Variants in ITGBL1 observed in about 807,000 individuals in gnomAD.
ITGBL1 encodes the protein integrin subunit beta like 1.
ITGBL1 carries 51 observed loss-of-function variants against 68.5 expected under a neutral mutation model. That is an observed-to-expected ratio of 0.74 (90% CI 0.59 to 0.94). The LOEUF (loss-of-function observed/expected upper bound fraction) is 0.94, where lower values mean the gene tolerates loss of function less well. Ranked by LOEUF, ITGBL1 falls within the 40% of genes least tolerant of loss-of-function variation. The pLI, the probability that ITGBL1 is intolerant of heterozygous loss-of-function variation, is 0.00. For missense variants in ITGBL1, 649 were observed against 647.4 expected, an observed-to-expected ratio of 1.00 and a Z score of -0.03; for synonymous variants, 209 against 227.3, an observed-to-expected ratio of 0.92 and a Z score of 0.72.
chr13:101,556,237 A>T (rs1310738138), intron 2 of ITGBL1, among the ~76,000 whole-genome samples: 1 of 152,210 alleles, frequency 6.6e-6, no homozygotes, highest in East Asian at 1.9e-4. Context: ...GTACCTCAGG[A>T]TGTGATCTTA....
chr13:101,477,643 A>G (rs1276077388), intron 2 of ITGBL1, among the ~76,000 whole-genome samples: 1 of 152,102 alleles, frequency 6.6e-6, no homozygotes, highest in Non-Finnish European at 1.5e-5. Context: ...GAGACATTAC[A>G]GCTGATACTA....
intron 7 of ITGBL1, among the ~76,000 whole-genome samples, chr13:101,603,692 A>T (rs59519772): frequency 0.29 from 12,660 of 43,620 alleles, 851 homozygotes; most frequent in East Asian, 0.5. Flanking sequence ...TCTCTTTTTT[A>T]AAAAAAATGT....
chr13:101,637,491 G>A (rs560741779), intron 7 of ITGBL1, among the ~76,000 whole-genome samples: 2 of 151,736 alleles, frequency 1.3e-5, no homozygotes, highest in African/African-American at 2.4e-5. Flanking sequence ...CTACAGGCAC[G>A]TGCCACCACA....
intron 2 of ITGBL1, among the ~76,000 whole-genome samples, chr13:101,482,061 A>G (rs1338551942): frequency 1.3e-5 from 2 of 152,028 alleles, no homozygotes; most frequent in African/African-American, 2.4e-5. Context: ...GAAGACATCA[A>G]CTCCCAAAGA....
At chr13:101,621,621 TA>T (rs1235999768) in intron 7 of ITGBL1, among the ~76,000 whole-genome samples, 1 of 152,142 alleles carries the variant, frequency 6.6e-6, no homozygotes, top group Non-Finnish European at 1.5e-5. Flanking sequence ...TTCCACCTTT[TA>T]AAATGCTCTT....
chr13:101,591,761 T>C (rs2050658883), intron 6 of ITGBL1, among the ~76,000 whole-genome samples: 2 of 152,208 alleles, frequency 1.3e-5, no homozygotes, highest in African/African-American at 4.8e-5. Flanking sequence ...CTATGTACTT[T>C]TAAAAAGTGT....
At position 101,671,426 on chromosome 13, in the gene ITGBL1, G is replaced by GTTTTTTTTTTTTTTTTTTTTTTTTTTT. The variant is rs66501713; in HGVS notation, c.1016-21149_1016-21148insTTTTTTTTTTTTTTTTTTTTTTTTTTT. 3.6e-5 allele frequency among the ~76,000 whole-genome samples: 4 copies of GTTTTTTTTTTTTTTTTTTTTTTTTTTT among 112,640 alleles called. 1 individual carries two copies. Among genetic ancestry groups the GTTTTTTTTTTTTTTTTTTTTTTTTTTT allele is most frequent in the Non-Finnish European group, 5.4e-5 (3 of 55,852 alleles). The allele number at this position is 112,640 out of a possible 152,430, so 73.9% of individuals were successfully genotyped here. ...AGCTATTTGACAAAAGTATACCTTT[G>GTTTTTTTTTTTTTTTTTTTTTTTTTTT]TTTTTTTTTTGTTTTTTTTTGTTTT... On this transcript the variant is annotated intron_variant, in intron 7 of 10. Transcript: ENST00000376180.
chr13:101,517,974 C>A (rs937423254), intron 2 of ITGBL1, among the ~76,000 whole-genome samples: 2 of 152,162 alleles, frequency 1.3e-5, no homozygotes, highest in Non-Finnish European at 2.9e-5. Context: ...TTTCTTTCCC[C>A]CATGCCATGT....
chr13:101,521,263 A>T (rs1410436621), intron 2 of ITGBL1, among the ~76,000 whole-genome samples: 5 of 152,236 alleles, frequency 3.3e-5, no homozygotes, highest in Non-Finnish European at 7.3e-5. Flanking sequence ...AGCAAGGGAC[A>T]TAGCAACAGA....
intron 7 of ITGBL1, among the ~76,000 whole-genome samples, chr13:101,647,106 CTTAG>C (rs1225447078): frequency 7.9e-5 from 12 of 152,140 alleles, no homozygotes; most frequent in African/African-American, 2.6e-4. Context: ...TGTTAAATAT[CTTAG>C]TTAGCATGAT....
Position 101,464,596 on chromosome 13 carries a change from T to C in ITGBL1, c.316+10496T>C, listed in dbSNP as rs139775069. Among the ~76,000 whole-genome samples the C allele has an allele frequency of 8.1e-3, 1,228 of 152,138 alleles. 9 individuals are homozygous for C. Among genetic ancestry groups the C allele is most frequent in the Admixed American group, 0.012 (183 of 15,276 alleles). On this transcript the variant is annotated intron_variant, in intron 2 of 10. Coordinates refer to ENST00000376180, the MANE Select transcript of ITGBL1 (RefSeq NM_004791.3). The stretch of plus-strand genomic sequence containing the variant: ...ATATTATTTATGCTTGTATAGCCAA[T>C]CAAAATACATATATTTTACCCATTT...
intron 7 of ITGBL1, among the ~76,000 whole-genome samples, chr13:101,664,684 T>C (rs944979056): frequency 6.6e-6 from 1 of 152,136 alleles, no homozygotes; most frequent in Non-Finnish European, 1.5e-5. Flanking sequence ...GTTTCTATTC[T>C]GTTTCATTTG....
chr13:101,615,164 C>T (rs1403345283), intron 7 of ITGBL1, among the ~76,000 whole-genome samples: 1 of 152,056 alleles, frequency 6.6e-6, no homozygotes, highest in African/African-American at 2.4e-5. Context: ...CCTGCTCTGC[C>T]TCTCTCTTCA....
intron 6 of ITGBL1, among the ~76,000 whole-genome samples, chr13:101,592,299 T>C (rs2050668582): frequency 6.6e-6 from 1 of 152,090 alleles, no homozygotes; most frequent in Non-Finnish European, 1.5e-5. Context: ...AGGCTAAACA[T>C]GTAGTATTTG....
At chr13:101,637,468 C>T (rs1566768853) in intron 7 of ITGBL1, among the ~76,000 whole-genome samples, 3 of 151,510 alleles carry the variant, frequency 2.0e-5, no homozygotes, top group Non-Finnish European at 2.9e-5. Context: ...CTCAGCCTCC[C>T]GAGTAGCTGG....
At chr13:101,606,174 T>TTA (rs4000927) in intron 7 of ITGBL1, among the ~76,000 whole-genome samples, 99,063 of 137,814 alleles carry the variant, frequency 0.72, 35,604 homozygotes, top group South Asian at 0.76. Context: ...ATTAGGATTT[T>TTA]TATATATATA....
intron 6 of ITGBL1, 84 bp downstream of exon 6, chr13:101,583,440 AG>A: frequency 5.3e-6 from 6 of 1,132,256 alleles, no homozygotes; most frequent in Non-Finnish European, 6.1e-6. Context: ...GCAATTAGAA[AG>A]AATAAATAAG....
At chr13:101,675,167 T>C (rs539379681) in intron 7 of ITGBL1, among the ~76,000 whole-genome samples, 1 of 152,296 alleles carries the variant, frequency 6.6e-6, no homozygotes, top group South Asian at 2.1e-4. Flanking sequence ...ATCAGTCTTG[T>C]TGCTTTTTCC....
chr13:101,583,690 A>G (rs1471578353), intron 6 of ITGBL1, among the ~76,000 whole-genome samples: 1 of 152,220 alleles, frequency 6.6e-6, no homozygotes, highest in African/African-American at 2.4e-5. Context: ...AAAAGTAATG[A>G]ATAAAAAATA....
Sources: gnomAD v4.1 joint callset for allele counts (sites outside exome capture counted in the v4.1 genomes callset) on GRCh38, gnomAD v4.1.1 for gene constraint, MANE v1.5 for transcripts, NCBI Gene and HGNC (gene_info 2026-07-23, HGNC 2026-07-21) for gene names.